ELMO1: variants seen among roughly 807,000 people sequenced by gnomAD.
ELMO1 encodes engulfment and cell motility protein 1.
A neutral mutation model predicts 98.9 loss-of-function variants in ELMO1; 26 were observed. The ratio of observed to expected loss-of-function variants is 0.26; its 90% CI spans 0.19 to 0.36. ELMO1 has a LOEUF of 0.36. Ranked by LOEUF, ELMO1 falls within the 10% of genes least tolerant of loss-of-function variation. The pLI, the probability that ELMO1 is intolerant of heterozygous loss-of-function variation, is 1.00. For synonymous variants in ELMO1, 346 were observed against 346.0 expected, an observed-to-expected ratio of 1.00 and a Z score of 0.00; for missense variants, 627 against 935.2, an observed-to-expected ratio of 0.67 and a Z score of 4.30.
At chr7:37,234,061 C>G (rs546588593) in intron 7 of ELMO1, among the ~76,000 whole-genome samples, 19 of 152,168 alleles carry the variant, frequency 1.2e-4, no homozygotes, top group Non-Finnish European at 2.6e-4. Flanking sequence ...TACACAGAAT[C>G]TTTCATAGAT....
chr7:37,021,460 A>G (rs1794263499), intron 15 of ELMO1, among the ~76,000 whole-genome samples: 1 of 152,144 alleles, frequency 6.6e-6, no homozygotes, highest in East Asian at 1.9e-4. Context: ...AATACCGACT[A>G]GTGTTAAGGC....
chr7:36,917,616 C>T (rs1190502187), intron 16 of ELMO1, among the ~76,000 whole-genome samples: 1 of 152,110 alleles, frequency 6.6e-6, no homozygotes, highest in Admixed American at 6.5e-5. Flanking sequence ...GATGAAAATT[C>T]AAAAGGTGGT....
At chr7:37,388,092 C>T (rs889535418) in intron 1 of ELMO1, among the ~76,000 whole-genome samples, 1 of 152,158 alleles carries the variant, frequency 6.6e-6, no homozygotes, top group African/African-American at 2.4e-5. Context: ...CCAGCCTCAG[C>T]CTCCCAAAGT....
At chr7:37,165,249 G>T (rs1277478133) in intron 13 of ELMO1, among the ~76,000 whole-genome samples, 2 of 152,206 alleles carry the variant, frequency 1.3e-5, no homozygotes, top group East Asian at 1.9e-4. Flanking sequence ...GAAACAATGG[G>T]GTTTTCTAGA....
At chr7:37,194,922 TATTC>T (rs147594298) in intron 13 of ELMO1, among the ~76,000 whole-genome samples, 1 of 152,190 alleles carries the variant, frequency 6.6e-6, no homozygotes, top group Admixed American at 6.5e-5. Context: ...TTAATTGATC[TATTC>T]ATTCATTCAT....
rs77928170 is a variant in ELMO1 at position 37,385,351 on chromosome 7, C to G, written c.-73-42588G>C. ...TCCTCATTCCATCTCCCCCTCCCCT[C>G]CAGCCACACTGGCCCTGCTATTCCC... On this transcript the variant is annotated intron_variant, in intron 1 of 21. Coordinates refer to ENST00000310758, the MANE Select transcript of ELMO1 (RefSeq NM_014800.11). Among the ~76,000 whole-genome samples the G allele has an allele frequency of 1.6e-3, 249 of 152,354 alleles. 2 individuals are homozygous for G. Among genetic ancestry groups the G allele is most frequent in the African/African-American group, 5.8e-3 (240 of 41,572 alleles).
intron 16 of ELMO1, chr7:36,997,715 G>T (rs1353942747): frequency 6.6e-6 from 1 of 152,646 alleles, no homozygotes; most frequent in Non-Finnish European, 1.5e-5. Context: ...TCTGCCTCAG[G>T]TGCTGGTTGA....
At chr7:36,857,868 T>C (rs996232248) in intron 21 of ELMO1, among the ~76,000 whole-genome samples, 1 of 152,078 alleles carries the variant, frequency 6.6e-6, no homozygotes, top group Admixed American at 6.5e-5. Context: ...GCAGGAAACA[T>C]AAAGATAAAC....
rs114454385 is a variant in ELMO1, at chr7:36,858,489, C to T, written c.1984-2738G>A. Among the ~76,000 whole-genome samples, 1,403 of 152,234 alleles carry T rather than the reference C, an allele frequency of 9.2e-3. 18 individuals carry two copies. The highest frequency in any genetic ancestry group is 0.032 in the African/African-American group (1,311 of 41,526). On this transcript the variant is annotated intron_variant, in intron 21 of 21. Transcript: ENST00000310758. ...AGATTGCGGTGGGAAAAATAATACC[C>T]GCCTTCCAAAGACACCCACATCCTA... is the stretch of plus-strand genomic sequence containing the variant.
intron 21 of ELMO1, among the ~76,000 whole-genome samples, chr7:36,857,107 A>T (rs763479976): frequency 3.3e-5 from 5 of 152,198 alleles, no homozygotes; most frequent in African/African-American, 4.8e-5. Context: ...TGGGTGTATT[A>T]TGAGATCTGT....
At chr7:37,022,007 G>A (rs1051243323) in intron 15 of ELMO1, among the ~76,000 whole-genome samples, 6 of 152,202 alleles carry the variant, frequency 3.9e-5, no homozygotes, top group African/African-American at 1.4e-4. Context: ...TGACACTGCA[G>A]TGGAAAGGAA....
At chr7:37,164,799 C>T (rs200076022) in intron 13 of ELMO1, among the ~76,000 whole-genome samples, 87,320 of 142,086 alleles carry the variant, frequency 0.61, 29,052 homozygotes, top group Non-Finnish European at 0.75. Context: ...TCTTTTGGCT[C>T]AGGATTGACT....
At chr7:37,178,084 C>G (rs1216355745) in intron 13 of ELMO1, among the ~76,000 whole-genome samples, 3 of 150,992 alleles carry the variant, frequency 2.0e-5, no homozygotes, top group African/African-American at 7.3e-5. Flanking sequence ...GAGTGTGTTT[C>G]TGGGAGGGAT....
At chr7:37,092,366 C>CTTTTTTTTTTTTTTTTTTTTTTTGTTT (rs1784147583) in intron 15 of ELMO1, among the ~76,000 whole-genome samples, 1 of 68,894 alleles carries the variant, frequency 1.5e-5, no homozygotes, top group African/African-American at 4.6e-5. Flanking sequence ...TACCCATATT[C>CTTTTTTTTTTTTTTTTTTTTTTTGTTT]TTTTTTTTTT....
At chr7:37,412,702 G>C (rs1289283827) in intron 1 of ELMO1, among the ~76,000 whole-genome samples, 1 of 152,088 alleles carries the variant, frequency 6.6e-6, no homozygotes, top group Admixed American at 6.5e-5. Context: ...TCTCTAACAT[G>C]CAGAGTGTGT....
At chr7:37,047,544 A>G (rs1209198856) in intron 15 of ELMO1, among the ~76,000 whole-genome samples, 1 of 152,220 alleles carries the variant, frequency 6.6e-6, no homozygotes, top group Non-Finnish European at 1.5e-5. Flanking sequence ...ATACATTAAC[A>G]TTCCAGATCT....
At chr7:37,395,221 G>T (rs112309244) in intron 1 of ELMO1, among the ~76,000 whole-genome samples, 2 of 152,150 alleles carry the variant, frequency 1.3e-5, no homozygotes, top group African/African-American at 2.4e-5. Flanking sequence ...TACAAAATTA[G>T]CTGGGCGTAG....
In ELMO1 at chr7:37,291,202, CT is replaced by C. The variant is rs1797663347; in HGVS notation, c.193-19321del. On this transcript the variant is annotated intron_variant, in intron 4 of 21. Coordinates refer to ENST00000310758, the MANE Select transcript of ELMO1 (RefSeq NM_014800.11). ...AAATTAGATCGCCATATAATACCCCCTACACACACTTTCAAAATAGATTGAT... is the reference window on the plus strand; with the variant it reads ...AAATTAGATCGCCATATAATACCCCCACACACACTTTCAAAATAGATTGAT... Among the ~76,000 whole-genome samples the C allele has an allele frequency of 5.3e-5, 8 of 152,318 alleles. 1 individual carries two copies. Among genetic ancestry groups the C allele is most frequent in the Admixed American group, 5.2e-4 (8 of 15,304 alleles).
chr7:37,434,399 T>C (rs1464970604), intron 1 of ELMO1, among the ~76,000 whole-genome samples: 2 of 152,222 alleles, frequency 1.3e-5, no homozygotes, highest in East Asian at 1.9e-4. Flanking sequence ...TACTTCATCA[T>C]TCCTAAGTGG....
Sources: allele counts gnomAD v4.1 joint callset (sites outside exome capture counted in the v4.1 genomes callset), GRCh38; gene constraint gnomAD v4.1.1; transcripts MANE v1.5; gene names NCBI Gene and HGNC (gene_info 2026-07-23, HGNC 2026-07-21).